Variants in GRID2 observed in about 807,000 individuals in gnomAD.
GRID2 encodes the protein glutamate receptor ionotropic, delta-2.
A neutral mutation model predicts 114.8 loss-of-function variants in GRID2; 33 were observed. The ratio of observed to expected loss-of-function variants is 0.29; its 90% CI spans 0.22 to 0.38. The LOEUF (loss-of-function observed/expected upper bound fraction) is 0.38. Among genes scored for constraint, GRID2 ranks in the 10% least tolerant of loss-of-function variants. The pLI, the probability that GRID2 is intolerant of heterozygous loss-of-function variation, is 1.00. For synonymous variants in GRID2, 505 were observed against 449.9 expected, an observed-to-expected ratio of 1.12 and a Z score of -1.55; for missense variants, 1,184 against 1,257.7, an observed-to-expected ratio of 0.94 and a Z score of 0.89.
chr4:93,755,876 C>T (rs1007752628), intron 14 of GRID2, among the ~76,000 whole-genome samples: 2 of 152,140 alleles, frequency 1.3e-5, no homozygotes, highest in Admixed American at 1.3e-4. Flanking sequence ...TAGTTTAAAT[C>T]TCTCTTGCTT....
intron 4 of GRID2, among the ~76,000 whole-genome samples, chr4:93,204,626 G>C (rs940727833): frequency 5.3e-5 from 8 of 152,040 alleles, no homozygotes; most frequent in African/African-American, 1.9e-4. Flanking sequence ...CAGGATTTGT[G>C]CCTCAATATT....
At chr4:92,688,413 A>G (rs1734028018) in intron 2 of GRID2, among the ~76,000 whole-genome samples, 1 of 152,078 alleles carries the variant, frequency 6.6e-6, no homozygotes, top group Non-Finnish European at 1.5e-5. Context: ...CTTTACCCAC[A>G]GTAAACCTTT....
chr4:92,407,555 T>A (rs2110293623), intron 1 of GRID2, among the ~76,000 whole-genome samples: 1 of 152,314 alleles, frequency 6.6e-6, no homozygotes, highest in Admixed American at 6.5e-5. Context: ...ACCAAAAGTT[T>A]ATAAGCATTG....
At chr4:93,302,120 A>G (rs1257648053) in intron 8 of GRID2, among the ~76,000 whole-genome samples, 3 of 152,206 alleles carry the variant, frequency 2.0e-5, no homozygotes. Context: ...CCCTTAAATG[A>G]TAAAATTTGT....
At chr4:93,038,562 G>C (rs1278589080) in intron 2 of GRID2, among the ~76,000 whole-genome samples, 1 of 152,052 alleles carries the variant, frequency 6.6e-6, no homozygotes, top group Non-Finnish European at 1.5e-5. Context: ...AGGCCGAGGC[G>C]GGTGGATCAT....
intron 14 of GRID2, among the ~76,000 whole-genome samples, chr4:93,768,941 A>C: frequency 6.6e-6 from 1 of 152,058 alleles, no homozygotes; most frequent in African/African-American, 2.4e-5. Flanking sequence ...AAACCAGAAG[A>C]AGAAGAATAG....
rs150048524 is a variant in GRID2 at position 93,739,672 on chromosome 4, G to A, written c.2361-29538G>A. Among the ~76,000 whole-genome samples the A allele has an allele frequency of 1.7e-3, 258 of 152,158 alleles. 1 individual carries two copies. Among genetic ancestry groups the A allele is most frequent in the Non-Finnish European group, 2.7e-3 (186 of 67,988 alleles). On this transcript the variant is annotated intron_variant, in intron 14 of 15. Transcript: ENST00000282020. ...TGATGCCGTTTCTCTCACCCCACCCGGCTAAGGTGAGAGCACCTGGTAACC... is the reference window on the plus strand; with the variant it reads ...TGATGCCGTTTCTCTCACCCCACCCAGCTAAGGTGAGAGCACCTGGTAACC...
At chr4:92,965,397 A>C (rs2149162165) in intron 2 of GRID2, among the ~76,000 whole-genome samples, 1 of 147,686 alleles carries the variant, frequency 6.8e-6, no homozygotes, top group South Asian at 2.2e-4. Flanking sequence ...GCTGTTGGAA[A>C]AATTGTGCAA....
At chr4:93,557,546 A>G (rs1015105856) in intron 13 of GRID2, among the ~76,000 whole-genome samples, 1 of 152,236 alleles carries the variant, frequency 6.6e-6, no homozygotes, top group South Asian at 2.1e-4. Flanking sequence ...TAACTATCCT[A>G]CATATATATG....
intron 8 of GRID2, among the ~76,000 whole-genome samples, chr4:93,335,369 AAAC>A (rs1482507765): frequency 6.6e-6 from 1 of 152,158 alleles, no homozygotes; most frequent in Non-Finnish European, 1.5e-5. Flanking sequence ...AGAAAGAGTT[AAAC>A]ACCTGTCTAG....
At chr4:92,430,270 T>A (rs1315900537) in intron 1 of GRID2, among the ~76,000 whole-genome samples, 1 of 152,170 alleles carries the variant, frequency 6.6e-6, no homozygotes, top group East Asian at 1.9e-4. Context: ...CCATTTTGGT[T>A]TTATTTTTGT....
chr4:92,774,354 A>G (rs1001178384), intron 2 of GRID2, among the ~76,000 whole-genome samples: 2 of 152,156 alleles, frequency 1.3e-5, no homozygotes, highest in East Asian at 3.9e-4. Flanking sequence ...GAAACCTTGT[A>G]AGATATACTG....
intron 2 of GRID2, among the ~76,000 whole-genome samples, chr4:92,655,835 C>G (rs1267581560): frequency 6.6e-6 from 1 of 151,638 alleles, no homozygotes; most frequent in East Asian, 1.9e-4. Flanking sequence ...GTTTGGACAC[C>G]AATTATTGTG....
At chr4:93,416,627 T>G (rs1580008588) in intron 9 of GRID2, among the ~76,000 whole-genome samples, 1 of 152,054 alleles carries the variant, frequency 6.6e-6, no homozygotes, top group East Asian at 1.9e-4. Context: ...TCAGATGCTT[T>G]TTTCCAACGC....
intron 2 of GRID2, among the ~76,000 whole-genome samples, chr4:92,729,218 A>G (rs1184361561): frequency 6.6e-6 from 1 of 152,076 alleles, no homozygotes; most frequent in Non-Finnish European, 1.5e-5. Context: ...GCAAAAAGAA[A>G]AACAATAAAC....
chr4:93,580,836 A>C (rs372877761), intron 13 of GRID2, among the ~76,000 whole-genome samples: 3 of 140,536 alleles, frequency 2.1e-5, no homozygotes, highest in African/African-American at 8.0e-5. Flanking sequence ...CCCATACCAC[A>C]AAATAACAAT....
chr4:93,254,990 T>C (rs1299432186), intron 8 of GRID2, among the ~76,000 whole-genome samples: 2 of 152,120 alleles, frequency 1.3e-5, no homozygotes, highest in African/African-American at 4.8e-5. Flanking sequence ...AACAAAGAAA[T>C]TCAGGCCTCC....
chr4:93,101,291 T>C (rs578002014), intron 3 of GRID2, among the ~76,000 whole-genome samples: 66 of 152,190 alleles, frequency 4.3e-4, no homozygotes, highest in African/African-American at 1.5e-3. Context: ...TATTTTCTTT[T>C]AGCTATTTTG....
intron 1 of GRID2, among the ~76,000 whole-genome samples, chr4:92,481,084 C>G (rs535582551): frequency 6.7e-4 from 102 of 152,226 alleles, no homozygotes; most frequent in African/African-American, 2.3e-3. Context: ...CTGAAGTCAG[C>G]AGGATAGGCT....
Sources: allele counts gnomAD v4.1 joint callset (sites outside exome capture counted in the v4.1 genomes callset), GRCh38; gene constraint gnomAD v4.1.1; transcripts MANE v1.5; gene names NCBI Gene and HGNC (gene_info 2026-07-23, HGNC 2026-07-21).